Variants in KLHL29 observed in about 807,000 individuals in gnomAD.
The protein encoded by KLHL29 is kelch-like protein 29.
KLHL29 carries 21 observed loss-of-function variants against 80.4 expected under a neutral mutation model. That is an observed-to-expected ratio of 0.26 (90% CI 0.19 to 0.38). The LOEUF (loss-of-function observed/expected upper bound fraction) is 0.38, where lower values mean the gene tolerates loss of function less well. Ranked by LOEUF, KLHL29 falls within the 10% of genes least tolerant of loss-of-function variation. The pLI is 1.00. For missense variants in KLHL29, 867 were observed against 1,223.9 expected (o/e 0.71, Z 4.35); for synonymous variants, 511 against 526.8 (o/e 0.97, Z 0.41).
chr2:23,583,076 C>A lies in KLHL29; in HGVS notation c.285+20595C>A, dbSNP rs76930170. ...ATAAAGCAAGGAATGCCTGGAGCCA[C>A]CAGAACTGGAAGAGGCAAAGGACCC... is the stretch of plus-strand genomic sequence containing the variant. On this transcript the variant is annotated intron_variant, in intron 3 of 13. Coordinates refer to ENST00000486442, the MANE Select transcript of KLHL29 (RefSeq NM_052920.2). Among the ~76,000 whole-genome samples the A allele has an allele frequency of 8.5e-5, 13 of 152,262 alleles. No individual in the cohort carries two copies. In the East Asian group the frequency reaches 2.5e-3, roughly 29 times the overall value.
At chr2:23,491,312 C>T (rs1316712491) in intron 2 of KLHL29, among the ~76,000 whole-genome samples, 1 of 152,102 alleles carries the variant, frequency 6.6e-6, no homozygotes, top group East Asian at 1.9e-4. Context: ...GCTCTCCTAC[C>T]CTGGGAGCTC....
chr2:23,487,266 C>T (rs531639968), intron 2 of KLHL29, among the ~76,000 whole-genome samples: 25 of 152,262 alleles, frequency 1.6e-4, no homozygotes, highest in African/African-American at 6.0e-4. Context: ...CGTCTCCTTG[C>T]TGGCTGGCTA....
At chr2:23,418,278 T>C (rs1299921134) in intron 1 of KLHL29, among the ~76,000 whole-genome samples, 1 of 152,190 alleles carries the variant, frequency 6.6e-6, no homozygotes, top group African/African-American at 2.4e-5. Context: ...TCTTTGTTGC[T>C]TTGTCAGCCC....
At chr2:23,615,861 T>C (rs1039348206) in intron 3 of KLHL29, among the ~76,000 whole-genome samples, 2 of 152,128 alleles carry the variant, frequency 1.3e-5, no homozygotes, top group Non-Finnish European at 2.9e-5. Context: ...TGTTCCTTTC[T>C]CATCAGCACA....
chr2:23,553,408 G>A (rs1042798406), intron 2 of KLHL29, among the ~76,000 whole-genome samples: 3 of 152,226 alleles, frequency 2.0e-5, no homozygotes, highest in African/African-American at 7.2e-5. Flanking sequence ...AACAGGAGAA[G>A]GCTGGCATCA....
At chr2:23,436,867 C>T (rs995062251) in intron 1 of KLHL29, among the ~76,000 whole-genome samples, 7 of 152,290 alleles carry the variant, frequency 4.6e-5, no homozygotes, top group East Asian at 3.9e-4. Flanking sequence ...CTAGAAGCTG[C>T]GTCTGTTTAT....
Position 23,523,220 on chromosome 2 carries a change from C to G in KLHL29, c.-45-38932C>G, listed in dbSNP as rs185925711. Among the ~76,000 whole-genome samples the G allele has an allele frequency of 5.8e-4, 89 of 152,332 alleles. 1 individual carries two copies. In the East Asian group the frequency reaches 0.013, roughly 23 times the overall value. On this transcript the variant is annotated intron_variant, in intron 2 of 13. Coordinates refer to ENST00000486442, the MANE Select transcript of KLHL29 (RefSeq NM_052920.2). ...CTGTCAGCGGCAGCACGGTCCACCC[C>G]AGGGTGGGCTGGGGCAGAGGGCCTG... is the stretch of plus-strand genomic sequence containing the variant.
At position 23,385,770 on chromosome 2, in the gene KLHL29, G is replaced by GGAGC. The variant is rs1666157731; in HGVS notation, c.-164_-163insGAGC. ...TGCGCGTCGGGCCGGGGCCGGAGCCGCGCGCCGGAGGTAAGAGCCGGGCCG... is the reference window on the plus strand; with the variant it reads ...TGCGCGTCGGGCCGGGGCCGGAGCCGGAGCCGCGCCGGAGGTAAGAGCCGGGCCG... On this transcript the variant is annotated 5_prime_UTR_variant, in exon 1 of 14. Coordinates refer to ENST00000486442, the MANE Select transcript of KLHL29 (RefSeq NM_052920.2). The GGAGC allele has an allele frequency of 1.8e-4, 1 of 5,658 alleles. No homozygotes were observed. Among genetic ancestry groups the GGAGC allele is most frequent in the Non-Finnish European group, 3.6e-3 (1 of 278 alleles). The allele number at this position is 5,658 out of a possible 1,614,324, so 0.4% of individuals were successfully genotyped here.
intron 1 of KLHL29, among the ~76,000 whole-genome samples, chr2:23,389,657 T>C (rs1169325785): frequency 1.3e-5 from 2 of 151,250 alleles, no homozygotes; most frequent in Non-Finnish European, 2.9e-5. Context: ...ATCACGCCAC[T>C]GTACTGGGCA....
At position 23,406,949 on chromosome 2, in the gene KLHL29, T is replaced by A. The variant is rs537952529; in HGVS notation, c.-154+21169T>A. On this transcript the variant is annotated intron_variant, in intron 1 of 13. Transcript: ENST00000486442. ...CAGAGATAAAAAAACAATTAACATT[T>A]TAGAATCTATTATTTGTCACTTTGT... 7.2e-5 allele frequency among the ~76,000 whole-genome samples: 11 copies of A among 152,352 alleles called. 1 individual carries two copies. In the South Asian group the frequency reaches 2.3e-3, roughly 32 times the overall value.
chr2:23,387,248 G>T (rs189805839), intron 1 of KLHL29, among the ~76,000 whole-genome samples: 94 of 152,336 alleles, frequency 6.2e-4, no homozygotes, highest in African/African-American at 2.2e-3. Context: ...GCGGCATCCC[G>T]GCCCGCTGCT....
chr2:23,562,627 C>A lies in KLHL29; in HGVS notation c.285+146C>A. 1 of 779,302 alleles carries A rather than the reference C, an allele frequency of 1.3e-6. No individual in the cohort carries two copies. The highest frequency in any genetic ancestry group is 1.9e-5 in the South Asian group (1 of 53,940). The allele number at this position is 779,302 out of a possible 1,614,324, so 48.3% of individuals were successfully genotyped here. A position where few individuals can be genotyped will look rare whatever the true frequency, so the allele number is the denominator to read the frequency against. On this transcript the variant is annotated intron_variant, in intron 3 of 13. Coordinates refer to ENST00000486442, the MANE Select transcript of KLHL29 (RefSeq NM_052920.2). The surrounding 1 kb of genome is among the most constrained non-coding windows in gnomAD (Gnocchi z 4.5). ...GAGTCTTGTCCTTCCAGGACCTGGG[C>A]CTGGAAACTGTTTGCGAGCATTCAT...
At chr2:23,658,960 C>T (rs1345526716) in intron 5 of KLHL29, among the ~76,000 whole-genome samples, 1 of 152,198 alleles carries the variant, frequency 6.6e-6, no homozygotes, top group Admixed American at 6.5e-5. Context: ...CTCTCCTCAG[C>T]TCACCCCAGC....
At chr2:23,586,724 G>T (rs1179979537) in intron 3 of KLHL29, among the ~76,000 whole-genome samples, 1 of 152,148 alleles carries the variant, frequency 6.6e-6, no homozygotes, top group Non-Finnish European at 1.5e-5. Flanking sequence ...AGCTGATGTT[G>T]GGGAGGGAGA....
At chr2:23,519,439 T>C (rs1666031891) in intron 2 of KLHL29, among the ~76,000 whole-genome samples, 1 of 151,760 alleles carries the variant, frequency 6.6e-6, no homozygotes, top group Non-Finnish European at 1.5e-5. Context: ...CCAAGGCCTC[T>C]AGACAGCTGC....
intron 3 of KLHL29, among the ~76,000 whole-genome samples, chr2:23,573,681 C>T (rs1667772878): frequency 6.6e-6 from 1 of 152,238 alleles, no homozygotes; most frequent in Non-Finnish European, 1.5e-5. Context: ...GGTCCAGCCC[C>T]AGACCTCATA....
intron 1 of KLHL29, among the ~76,000 whole-genome samples, chr2:23,403,796 A>G (rs1276281790): frequency 6.9e-6 from 1 of 144,882 alleles, no homozygotes; most frequent in Non-Finnish European, 1.5e-5. Flanking sequence ...GAATTTTCTC[A>G]GTGTTTATTT....
chr2:23,472,079 G>T (rs953650696), intron 1 of KLHL29, among the ~76,000 whole-genome samples: 14 of 114,966 alleles, frequency 1.2e-4, no homozygotes, highest in African/African-American at 4.7e-4. Context: ...ATGGACCAGA[G>T]ATTCCAAAAG....
intron 2 of KLHL29, among the ~76,000 whole-genome samples, chr2:23,508,860 TC>T (rs1233289142): frequency 6.6e-6 from 1 of 152,144 alleles, no homozygotes; most frequent in Non-Finnish European, 1.5e-5. Flanking sequence ...AAAGGCAGCT[TC>T]CCTGTCATGG....
Sources: allele counts gnomAD v4.1 joint callset (sites outside exome capture counted in the v4.1 genomes callset), GRCh38; gene constraint gnomAD v4.1.1; non-coding constraint Gnocchi (gnomAD v3.1); transcripts MANE v1.5; gene names NCBI Gene and HGNC (gene_info 2026-07-23, HGNC 2026-07-21).